The following DCLK1 variants were observed in gnomAD, a reference collection of about 807,000 sequenced individuals.
DCLK1 encodes doublecortin like kinase 1.
DCLK1 carries 16 observed loss-of-function variants against 86.2 expected under a neutral mutation model. The ratio of observed to expected loss-of-function variants is 0.19; its 90% CI spans 0.13 to 0.28. DCLK1 has a LOEUF of 0.28. DCLK1 is among the 10% of genes least tolerant of loss of function. DCLK1 has a pLI of 1.00. For synonymous variants in DCLK1, 369 were observed against 370.5 expected, an observed-to-expected ratio of 1.00 and a Z score of 0.05; for missense variants, 590 against 940.2, an observed-to-expected ratio of 0.63 and a Z score of 4.87.
At chr13:35,854,661 T>A in intron 5 of DCLK1, 68 bp from the exon 6 acceptor site, 1 of 1,385,570 alleles carries the variant, frequency 7.2e-7, no homozygotes, top group Non-Finnish European at 9.8e-7. Flanking sequence ...CAAATCATCT[T>A]CTGCAAGAAA....
chr13:35,849,236 T>TA (rs1870431335), intron 6 of DCLK1: 1 of 985,256 alleles, frequency 1.0e-6, no homozygotes, highest in African/African-American at 1.7e-5. Context: ...AACCAGATGG[T>TA]AAAATTTGCT....
At chr13:36,070,824 G>C (rs1883947258) in intron 3 of DCLK1, among the ~76,000 whole-genome samples, 1 of 151,910 alleles carries the variant, frequency 6.6e-6, no homozygotes, top group Admixed American at 6.6e-5. Context: ...TGTATTTTTA[G>C]TAGAAACGGG....
intron 15 of DCLK1, among the ~76,000 whole-genome samples, chr13:35,801,755 C>T (rs1026734023): frequency 1.3e-5 from 2 of 152,074 alleles, no homozygotes; most frequent in African/African-American, 4.8e-5. Flanking sequence ...CCTGTTTTTT[C>T]ACTGGTAACA....
intron 3 of DCLK1, among the ~76,000 whole-genome samples, chr13:36,106,241 C>A (rs966532690): frequency 6.6e-6 from 1 of 152,006 alleles, no homozygotes; most frequent in African/African-American, 2.4e-5. Context: ...AATTTGGAGG[C>A]ACTAACATCT....
chr13:35,985,528 C>A (rs1038759550), intron 3 of DCLK1, among the ~76,000 whole-genome samples: 1 of 152,136 alleles, frequency 6.6e-6, no homozygotes, highest in African/African-American at 2.4e-5. Context: ...AGGCAGGCTG[C>A]GGAGTCTGTT....
intron 1 of DCLK1, among the ~76,000 whole-genome samples, chr13:36,126,696 C>T (rs1476522572): frequency 6.6e-6 from 1 of 152,156 alleles, no homozygotes; most frequent in Non-Finnish European, 1.5e-5. Flanking sequence ...TAAACACAGG[C>T]TCCTCTGCAC....
At chr13:36,114,840 A>G (rs1885726439) in intron 2 of DCLK1, among the ~76,000 whole-genome samples, 1 of 152,234 alleles carries the variant, frequency 6.6e-6, no homozygotes, top group African/African-American at 2.4e-5. Context: ...CTGAATGGGA[A>G]GAATACATAG....
chr13:36,017,596 T>C (rs1881589834), intron 3 of DCLK1, among the ~76,000 whole-genome samples: 2 of 152,190 alleles, frequency 1.3e-5, no homozygotes, highest in Admixed American at 6.5e-5. Flanking sequence ...TCAATATCAT[T>C]TTACAGCAGA....
chr13:35,810,796 T>A, intron 12 of DCLK1, 39 bp downstream of exon 12: 1 of 1,605,436 alleles, frequency 6.2e-7, no homozygotes, highest in South Asian at 1.1e-5. Flanking sequence ...GGCTAGTTCT[T>A]TTGCAAGCAT....
Position 35,847,369 on chromosome 13 carries a change from G to A in DCLK1, c.1035+7130C>T, listed in dbSNP as rs1280585696. ...ACAAGAGCCAGTAACTTATAAGGCT[G>A]TATCACAAATACTATACTTTACTGT... On this transcript the variant is annotated intron_variant, in intron 6 of 16. Coordinates refer to ENST00000360631, the MANE Select transcript of DCLK1 (RefSeq NM_001330071.2). 3 of 984,994 alleles carry A rather than the reference G, an allele frequency of 3.0e-6. No homozygotes were observed. In the African/African-American group the frequency reaches 5.2e-5, roughly 17 times the overall value. 61.0% of individuals were successfully genotyped at this position (984,994 alleles called of 1,614,324 possible).
intron 15 of DCLK1, among the ~76,000 whole-genome samples, chr13:35,797,078 G>T (rs1334370436): frequency 6.6e-6 from 1 of 152,198 alleles, no homozygotes; most frequent in African/African-American, 2.4e-5. Flanking sequence ...GATCCTATGT[G>T]CAGCAAGCAG....
chr13:35,958,133 T>TCATC, intron 3 of DCLK1, among the ~76,000 whole-genome samples: 1 of 12,848 alleles, frequency 7.8e-5, no homozygotes, highest in South Asian at 2.3e-3. Flanking sequence ...CTACCACTAC[T>TCATC]ATAACCACCA....
At chr13:36,072,331 T>C (rs1443801043) in intron 3 of DCLK1, among the ~76,000 whole-genome samples, 1 of 152,232 alleles carries the variant, frequency 6.6e-6, no homozygotes, top group Non-Finnish European at 1.5e-5. Flanking sequence ...AGTCACTCCT[T>C]TTCAGTTCTT....
chr13:35,841,994 G>T (rs1869830272), intron 6 of DCLK1, among the ~76,000 whole-genome samples: 1 of 151,670 alleles, frequency 6.6e-6, no homozygotes, highest in African/African-American at 2.4e-5. Flanking sequence ...TTCTAGTACT[G>T]AACATACTAC....
At chr13:35,987,283 G>A (rs1032297687) in intron 3 of DCLK1, among the ~76,000 whole-genome samples, 1 of 152,166 alleles carries the variant, frequency 6.6e-6, no homozygotes, top group Non-Finnish European at 1.5e-5. Flanking sequence ...AAATTTGCCA[G>A]GCATAGTGGT....
At chr13:36,083,629 C>G (rs1271309869) in intron 3 of DCLK1, among the ~76,000 whole-genome samples, 1 of 152,156 alleles carries the variant, frequency 6.6e-6, no homozygotes, top group African/African-American at 2.4e-5. Flanking sequence ...TCCAGCTGAT[C>G]CATATCGCCA....
chr13:35,848,182 G>A (rs779732512), intron 6 of DCLK1: 65 of 985,034 alleles, frequency 6.6e-5, no homozygotes, highest in Non-Finnish European at 7.8e-5. Flanking sequence ...AGCATTCCCC[G>A]CTCAGTAGAA....
intron 8 of DCLK1, among the ~76,000 whole-genome samples, chr13:35,828,959 C>G (rs1466729083): frequency 6.6e-6 from 1 of 152,180 alleles, no homozygotes; most frequent in Non-Finnish European, 1.5e-5. Flanking sequence ...CTGGAGAACT[C>G]ATAGATGATA....
At chr13:35,862,407 T>G (rs1227210257) in intron 5 of DCLK1, among the ~76,000 whole-genome samples, 2 of 152,172 alleles carry the variant, frequency 1.3e-5, no homozygotes, top group African/African-American at 4.8e-5. Flanking sequence ...CTCCCCCAGC[T>G]CTTTCGGTTC....
Sources: allele counts gnomAD v4.1 joint callset (sites outside exome capture counted in the v4.1 genomes callset), GRCh38; gene constraint gnomAD v4.1.1; transcripts MANE v1.5; gene names NCBI Gene and HGNC (gene_info 2026-07-23, HGNC 2026-07-21).